Variants in CYP3A43 observed in about 807,000 individuals in gnomAD.
CYP3A43 encodes the protein cytochrome P450 family 3 subfamily A member 43, also known as cytochrome P450 3A43.
Under a neutral mutation model 58.0 loss-of-function variants are expected in CYP3A43, and 45 were observed. The ratio of observed to expected loss-of-function variants is 0.78; its 90% CI spans 0.61 to 0.99. The LOEUF (loss-of-function observed/expected upper bound fraction) is 0.99. CYP3A43 is among the 50% of genes least tolerant of loss of function. CYP3A43 has a pLI of 0.00. For missense variants in CYP3A43, 593 were observed against 591.9 expected, an observed-to-expected ratio of 1.00 and a Z score of -0.02; for synonymous variants, 191 against 201.4, an observed-to-expected ratio of 0.95 and a Z score of 0.44.
intron 10 of CYP3A43, 65 bp downstream of exon 10, chr7:99,860,055 C>A (rs149773526): frequency 6.6e-7 from 1 of 1,520,374 alleles, no homozygotes; most frequent in East Asian, 2.3e-5. Context: ...GCCTCCTCAC[C>A]ACTTGCCAGG....
chr7:99,852,253 C>A (rs1158063711), intron 7 of CYP3A43, among the ~76,000 whole-genome samples: 2 of 152,144 alleles, frequency 1.3e-5, no homozygotes, highest in Admixed American at 1.3e-4. Flanking sequence ...CAACTTGATT[C>A]TTTTTCAACA....
At chr7:99,849,336 GTGTCT>G (rs1222090306) in intron 6 of CYP3A43, among the ~76,000 whole-genome samples, 6 of 152,300 alleles carry the variant, frequency 3.9e-5, no homozygotes, top group Admixed American at 6.5e-5. Context: ...ACTCACCTTA[GTGTCT>G]CCATCACTCC....
At chr7:99,834,681 C>A (rs954107584) in intron 1 of CYP3A43, among the ~76,000 whole-genome samples, 7 of 151,966 alleles carry the variant, frequency 4.6e-5, no homozygotes, top group Admixed American at 4.6e-4. Flanking sequence ...GGCATTTCTT[C>A]AATAGAGTTT....
chr7:99,845,309 T>TTTTTTC (rs202210838), intron 4 of CYP3A43, among the ~76,000 whole-genome samples: 216 of 152,124 alleles, frequency 1.4e-3, no homozygotes, highest in African/African-American at 3.9e-3. Flanking sequence ...TGCATCTCTT[T>TTTTTTC]TTTTTCTTTT....
At chr7:99,863,100 A>G (rs1196162133) in intron 11 of CYP3A43, among the ~76,000 whole-genome samples, 1 of 152,194 alleles carries the variant, frequency 6.6e-6, no homozygotes, top group Non-Finnish European at 1.5e-5. Context: ...ATAGAACAGT[A>G]TTAATGCATC....
At chr7:99,860,083 C>T (rs1042888113) in intron 10 of CYP3A43, 93 bp downstream of exon 10, 5 of 1,453,842 alleles carry the variant, frequency 3.4e-6, no homozygotes, top group African/African-American at 1.4e-5. Context: ...TTGCAAAAAG[C>T]GTAAGCATCA....
Position 99,850,330 on chromosome 7 carries a change from C to T in CYP3A43, c.670+636C>T, listed in dbSNP as rs1458297712. 2.6e-5 allele frequency among the ~76,000 whole-genome samples: 4 copies of T among 151,746 alleles called. No individual in the cohort carries two copies. The East Asian group carries it at 5.8e-4, about 22-fold the overall frequency. ...AGGCTGGAGTGCAGTGGCTCAATCTCGGCTCACTGCAACCTCCGCCTTCCA... is the reference window on the plus strand; with the variant it reads ...AGGCTGGAGTGCAGTGGCTCAATCTTGGCTCACTGCAACCTCCGCCTTCCA... On this transcript the variant is annotated intron_variant, in intron 7 of 12. Coordinates refer to ENST00000354829, the MANE Select transcript of CYP3A43 (RefSeq NM_057095.3).
intron 2 of CYP3A43, 125 bp from the exon 3 acceptor site, chr7:99,838,995 C>A: frequency 9.2e-7 from 1 of 1,090,910 alleles, no homozygotes; most frequent in Non-Finnish European, 1.4e-6. Flanking sequence ...TTCCCTCTAA[C>A]TGCCAGTAAA....
intron 1 of CYP3A43, among the ~76,000 whole-genome samples, chr7:99,835,139 C>T (rs1006978475): frequency 1.3e-5 from 2 of 152,208 alleles, no homozygotes; most frequent in Non-Finnish European, 2.9e-5. Context: ...CCTTGCCTAT[C>T]AACTCTTAAT....
intron 1 of CYP3A43, among the ~76,000 whole-genome samples, chr7:99,834,562 G>T (rs534966925): frequency 1.8e-4 from 27 of 152,188 alleles, no homozygotes; most frequent in Admixed American, 3.3e-4. Flanking sequence ...GTCCAATATA[G>T]GCCAGAGGGT....
intron 1 of CYP3A43, 67 bp downstream of exon 1, chr7:99,828,253 T>G: frequency 7.8e-7 from 1 of 1,283,134 alleles, no homozygotes; most frequent in Non-Finnish European, 1.1e-6. Flanking sequence ...GGCCCATCTT[T>G]TTCTTATTTG....
Position 99,863,709 on chromosome 7 carries a change from C to G in CYP3A43, c.1416+10C>G, listed in dbSNP as rs542076831. The G allele has an allele frequency of 4.5e-6, 7 of 1,551,844 alleles. No homozygotes were observed. The South Asian group carries it at 8.8e-5, about 20-fold the overall frequency. ...TTGTAAAGAGACTCAGGTCAGTAAA[C>G]TTTCTTATAAATAATGTTTATTGGG... On this transcript the variant is annotated intron_variant, in intron 12 of 12. Transcript: ENST00000354829.
chr7:99,865,758 G>A (rs1266309550), intron 12 of CYP3A43, 148 bp from the exon 13 acceptor site: 4 of 494,772 alleles, frequency 8.1e-6, no homozygotes, highest in Non-Finnish European at 1.4e-5. Context: ...AACTGAACAA[G>A]TACAAATAAA....
At chr7:99,862,929 C>A (rs1031977564) in intron 11 of CYP3A43, among the ~76,000 whole-genome samples, 11 of 152,316 alleles carry the variant, frequency 7.2e-5, no homozygotes, top group Middle Eastern at 3.4e-3. Context: ...TCAGAGACCA[C>A]TCATTGTACT....
rs1339558151 is a variant in CYP3A43, at chr7:99,838,718, G to A, written c.166-402G>A. The A allele has an allele frequency of 1.4e-5, 18 of 1,266,130 alleles. No individual in the cohort carries two copies. The African/African-American group carries it at 2.3e-4, about 16-fold the overall frequency. The allele number at this position is 1,266,130 out of a possible 1,614,324, so 78.4% of individuals were successfully genotyped here. On this transcript the variant is annotated intron_variant, in intron 2 of 12. Transcript: ENST00000354829. ...TTCCCAGCTGGGCGTGGTGGCTCAC[G>A]CCTGTAATCCCAGCACTTTGGGAGG...
At chr7:99,832,215 G>C (rs1462474950) in intron 1 of CYP3A43, among the ~76,000 whole-genome samples, 1 of 151,518 alleles carries the variant, frequency 6.6e-6, no homozygotes, top group Admixed American at 6.6e-5. Flanking sequence ...AATGGATGTA[G>C]TGATACACAA....
At chr7:99,843,074 A>G (rs1817401720) in intron 3 of CYP3A43, among the ~76,000 whole-genome samples, 1 of 152,208 alleles carries the variant, frequency 6.6e-6, no homozygotes, top group African/African-American at 2.4e-5. Context: ...GCATTATTTT[A>G]TGTAAAATGG....
At chr7:99,836,682 A>G in intron 2 of CYP3A43, 136 bp downstream of exon 2, 2 of 646,338 alleles carry the variant, frequency 3.1e-6, no homozygotes, top group South Asian at 4.6e-5. Context: ...TGCTCCACCC[A>G]GAGCAGGGCC....
At chr7:99,847,715 A>G (rs2151607023) in intron 5 of CYP3A43, 114 bp downstream of exon 5, 8 of 1,526,052 alleles carry the variant, frequency 5.2e-6, no homozygotes, top group South Asian at 4.5e-5. Flanking sequence ...TGAGCTTTCT[A>G]AAAAGGGTCT....
Sources: gnomAD v4.1 joint callset for allele counts (sites outside exome capture counted in the v4.1 genomes callset) on GRCh38, gnomAD v4.1.1 for gene constraint, MANE v1.5 for transcripts, NCBI Gene and HGNC (gene_info 2026-07-23, HGNC 2026-07-21) for gene names.